The following CTNNA2 variants were observed in gnomAD, a reference collection of about 807,000 sequenced individuals.
CTNNA2 encodes catenin alpha 2.
CTNNA2 carries 42 observed loss-of-function variants against 101.0 expected under a neutral mutation model. That is an observed-to-expected ratio of 0.42 (90% CI 0.32 to 0.54). The LOEUF (loss-of-function observed/expected upper bound fraction) is 0.54, where lower values mean the gene tolerates loss of function less well. Among genes scored for constraint, CTNNA2 ranks in the 20% least tolerant of loss-of-function variants. CTNNA2 has a pLI of 0.14. For synonymous variants in CTNNA2, 450 were observed against 456.4 expected, an observed-to-expected ratio of 0.99 and a Z score of 0.18; for missense variants, 871 against 1,223.1, an observed-to-expected ratio of 0.71 and a Z score of 4.29.
chr2:80,243,851 C>T (rs1315868515), intron 7 of CTNNA2, among the ~76,000 whole-genome samples: 1 of 152,166 alleles, frequency 6.6e-6, no homozygotes, highest in Non-Finnish European at 1.5e-5. Flanking sequence ...TTTTAAGGAA[C>T]AACCAAACCC....
At chr2:79,227,269 G>A (rs551252992) in intron 2 of CTNNA2, among the ~76,000 whole-genome samples, 3 of 152,220 alleles carry the variant, frequency 2.0e-5, no homozygotes, top group Non-Finnish European at 2.9e-5. Flanking sequence ...ATGGGTCAAC[G>A]TATGCAATGA....
intron 2 of CTNNA2, among the ~76,000 whole-genome samples, chr2:79,234,051 T>C (rs1029381871): frequency 1.3e-5 from 2 of 150,814 alleles, no homozygotes; most frequent in Admixed American, 6.7e-5. Flanking sequence ...AGGGTTAGTA[T>C]TGATATACAA....
intron 7 of CTNNA2, among the ~76,000 whole-genome samples, chr2:80,139,087 CA>C (rs1573197495): frequency 6.6e-6 from 1 of 152,142 alleles, no homozygotes; most frequent in East Asian, 1.9e-4. Flanking sequence ...GTATTGTTCT[CA>C]TCATGATTAT....
At position 79,869,839 on chromosome 2, in the gene CTNNA2, C is replaced by G; in HGVS notation, c.489C>G (p.Val163=). 6.2e-7 allele frequency: 1 copy of G among 1,613,958 alleles called. No homozygotes were observed. The highest frequency in any genetic ancestry group is 8.5e-7 in the Non-Finnish European group (1 of 1,179,980). Residue 163 remains valine (V), a synonymous_variant, in exon 5 of 19, where the codon GTC becomes GTG. Transcript: ENST00000402739. ...LKIVEEALEA[V]KNATNEQDLA... The stretch of plus-strand genomic sequence containing the variant: ...AGGTGGAAGAGGCCCTGGAAGCTGT[C>G]AAAAATGCTACAAATGAGCAAGACC...
chr2:80,465,432 C>G (rs1307335234), intron 9 of CTNNA2, among the ~76,000 whole-genome samples: 1 of 152,130 alleles, frequency 6.6e-6, no homozygotes, highest in African/African-American at 2.4e-5. Flanking sequence ...AAATGGAAGA[C>G]TGGGTGACAA....
rs79770333 is a variant in CTNNA2, at chr2:80,610,431, C to T, written c.2430+2113C>T. ...TACACCCATTTATTCTGTCATGTGG[C>T]ATGGCAAAGTTGCTGTTTTTTTTCA... On this transcript the variant is annotated intron_variant, in intron 17 of 18. Coordinates refer to ENST00000402739, the MANE Select transcript of CTNNA2 (RefSeq NM_001282597.3). Among the ~76,000 whole-genome samples, 1,174 of 151,720 alleles carry T rather than the reference C, an allele frequency of 7.7e-3. 11 individuals are homozygous for T. The highest frequency in any genetic ancestry group is 0.026 in the African/African-American group (1,070 of 41,436).
At chr2:79,305,828 G>A (rs771333413) in intron 2 of CTNNA2, among the ~76,000 whole-genome samples, 4 of 152,126 alleles carry the variant, frequency 2.6e-5, no homozygotes, top group Non-Finnish European at 4.4e-5. Context: ...GGTGGATCAC[G>A]AGGTCAGAAG....
At chr2:80,640,661 C>G (rs1251127328) in intron 18 of CTNNA2, among the ~76,000 whole-genome samples, 2 of 152,146 alleles carry the variant, frequency 1.3e-5, no homozygotes, top group Non-Finnish European at 2.9e-5. Context: ...GTCTTCAAAG[C>G]CTCATGGATT....
At chr2:79,313,365 A>T (rs1676426955) in intron 3 of CTNNA2, among the ~76,000 whole-genome samples, 1 of 152,198 alleles carries the variant, frequency 6.6e-6, no homozygotes, top group Non-Finnish European at 1.5e-5. Flanking sequence ...TAACATTAAT[A>T]TTTAAGATTA....
chr2:80,374,910 A>G (rs1675797111), intron 7 of CTNNA2, among the ~76,000 whole-genome samples: 1 of 152,010 alleles, frequency 6.6e-6, no homozygotes, highest in Non-Finnish European at 1.5e-5. Flanking sequence ...CCCACATCAC[A>G]CCTCTACAGG....
At chr2:79,870,224 C>G (rs1249811837) in intron 5 of CTNNA2, among the ~76,000 whole-genome samples, 4 of 152,130 alleles carry the variant, frequency 2.6e-5, no homozygotes, top group Non-Finnish European at 5.9e-5. Flanking sequence ...AGGAACACAG[C>G]TCTGATGTCA....
intron 15 of CTNNA2, among the ~76,000 whole-genome samples, chr2:80,591,677 A>C (rs1696523781): frequency 6.6e-6 from 1 of 151,990 alleles, no homozygotes; most frequent in Admixed American, 6.6e-5. Context: ...TTAGGAATTG[A>C]AACTTGGCCA....
chr2:79,816,751 T>A (rs988153795), intron 3 of CTNNA2, among the ~76,000 whole-genome samples: 1 of 152,218 alleles, frequency 6.6e-6, no homozygotes, highest in Non-Finnish European at 1.5e-5. Flanking sequence ...CAGACACTAT[T>A]CTAAGTACTC....
chr2:79,968,316 AGTAGCCACT>A (rs1690226418), intron 7 of CTNNA2, among the ~76,000 whole-genome samples: 1 of 152,228 alleles, frequency 6.6e-6, no homozygotes, highest in African/African-American at 2.4e-5. Flanking sequence ...AGGCTGACAG[AGTAGCCACT>A]GTTTAGGGCA....
chr2:79,578,934 T>A (rs1675966999), intron 1 of CTNNA2, among the ~76,000 whole-genome samples: 1 of 152,190 alleles, frequency 6.6e-6, no homozygotes, highest in Non-Finnish European at 1.5e-5. Flanking sequence ...TTATAACTAT[T>A]ATTTTAGTCT....
In CTNNA2 at chr2:80,302,166, A is replaced by G. The variant is rs1676382199; in HGVS notation, c.1057-91045A>G. On this transcript the variant is annotated intron_variant, in intron 7 of 18. Transcript: ENST00000402739. This position sits in a 1 kb window ranked among gnomAD's most constrained non-coding sequence, Gnocchi z 6.4. Reference sequence around the variant, plus strand: ...CAAGGAGCATATCAGAGCACAGACAAGGAGACCCCAGCCTGGTGCCCGCCG... The same window carrying G: ...CAAGGAGCATATCAGAGCACAGACAGGGAGACCCCAGCCTGGTGCCCGCCG... 1 of 1,517,102 alleles carries G rather than the reference A, an allele frequency of 6.6e-7. No homozygotes were observed. The highest frequency in any genetic ancestry group is 1.4e-5 in the African/African-American group (1 of 72,664). 94.0% of individuals were successfully genotyped at this position (1,517,102 alleles called of 1,614,324 possible). A position where few individuals can be genotyped will look rare whatever the true frequency, so the allele number is the denominator to read the frequency against.
chr2:80,532,201 TC>T (rs1342270465), intron 9 of CTNNA2, among the ~76,000 whole-genome samples: 2 of 152,096 alleles, frequency 1.3e-5, no homozygotes, highest in African/African-American at 4.8e-5. Flanking sequence ...TATATGGTAG[TC>T]CCCCCTTATC....
chr2:79,452,313 A>G (rs1225177808), intron 4 of CTNNA2, among the ~76,000 whole-genome samples: 1 of 152,032 alleles, frequency 6.6e-6, no homozygotes, highest in African/African-American at 2.4e-5. Context: ...AGAATCCTTC[A>G]TACCTCAACC....
At chr2:79,811,944 C>T (rs1677072050) in intron 3 of CTNNA2, among the ~76,000 whole-genome samples, 1 of 152,012 alleles carries the variant, frequency 6.6e-6, no homozygotes, top group Non-Finnish European at 1.5e-5. Flanking sequence ...GTGTGTATTT[C>T]CTGAAAGGTA....
Sources: allele counts gnomAD v4.1 joint callset (sites outside exome capture counted in the v4.1 genomes callset), GRCh38; gene constraint gnomAD v4.1.1; non-coding constraint Gnocchi (gnomAD v3.1); transcripts MANE v1.5; gene names NCBI Gene and HGNC (gene_info 2026-07-23, HGNC 2026-07-21).